Variants in ALK observed in about 807,000 individuals in gnomAD.
ALK encodes the protein ALK tyrosine kinase receptor.
Under a neutral mutation model 163.1 loss-of-function variants are expected in ALK, and 74 were observed. The ratio of observed to expected loss-of-function variants is 0.45; its 90% CI spans 0.38 to 0.55. The LOEUF is 0.55. ALK is among the 20% of genes least tolerant of loss of function. ALK has a pLI of 0.00. For synonymous variants in ALK, 960 were observed against 843.2 expected (o/e 1.14, Z -2.40); for missense variants, 2,063 against 2,105.3 (o/e 0.98, Z 0.39).
intron 3 of ALK, among the ~76,000 whole-genome samples, chr2:29,585,559 C>T (rs756875811): frequency 1.3e-5 from 2 of 152,156 alleles, no homozygotes; most frequent in Non-Finnish European, 2.9e-5. Flanking sequence ...AACTCCTGAC[C>T]TCAGGTGATC....
intron 1 of ALK, among the ~76,000 whole-genome samples, chr2:29,810,700 CT>C (rs1464752537): frequency 6.6e-6 from 1 of 152,082 alleles, no homozygotes; most frequent in Non-Finnish European, 1.5e-5. Context: ...ACCACAGGGC[CT>C]TTTCTGGCTG....
intron 1 of ALK, among the ~76,000 whole-genome samples, chr2:29,782,938 T>C (rs1253245522): frequency 6.6e-6 from 1 of 152,182 alleles, no homozygotes. Context: ...GGATGTCCTG[T>C]TGTGTGAGCC....
At chr2:29,494,219 T>A (rs949695645) in intron 4 of ALK, among the ~76,000 whole-genome samples, 10 of 152,342 alleles carry the variant, frequency 6.6e-5, no homozygotes, top group Admixed American at 5.2e-4. Flanking sequence ...GGCAGTTTTG[T>A]TTCTATTAAG....
intron 4 of ALK, among the ~76,000 whole-genome samples, chr2:29,432,370 G>A (rs975480318): frequency 1.3e-5 from 2 of 152,014 alleles, no homozygotes; most frequent in African/African-American, 2.4e-5. Flanking sequence ...CATGTGATAC[G>A]CAGGCTCCCC....
intron 3 of ALK, among the ~76,000 whole-genome samples, chr2:29,547,838 G>A (rs185143089): frequency 6.6e-5 from 10 of 152,320 alleles, no homozygotes; most frequent in Non-Finnish European, 1.0e-4. Flanking sequence ...AATTATGCTC[G>A]TATGGTTGCC....
chr2:29,839,103 G>C (rs921363463), intron 1 of ALK, among the ~76,000 whole-genome samples: 3 of 151,952 alleles, frequency 2.0e-5, no homozygotes, highest in Non-Finnish European at 2.9e-5. Context: ...GAAGTTCTAG[G>C]CCTGGTAGTC....
intron 3 of ALK, among the ~76,000 whole-genome samples, chr2:29,602,611 G>A (rs909689220): frequency 4.6e-5 from 7 of 152,266 alleles, no homozygotes; most frequent in Admixed American, 3.3e-4. Flanking sequence ...GACACAGAGG[G>A]TCCTGTTTGC....
chr2:29,335,476 A>G lies in ALK; in HGVS notation c.1283-6995T>C, dbSNP rs1008532866. ...GTGAGAGCCTACACAATGCACAGAG[A>G]AATGATTTTTAGACAACAAAGAACT... On this transcript the variant is annotated intron_variant, in intron 5 of 28. Transcript: ENST00000389048. 3.3e-5 allele frequency among the ~76,000 whole-genome samples: 5 copies of G among 152,186 alleles called. No individual in the cohort carries two copies. In the East Asian group the frequency reaches 7.7e-4, roughly 23 times the overall value.
chr2:29,264,046 C>G (rs754035983), intron 11 of ALK, among the ~76,000 whole-genome samples: 1 of 152,194 alleles, frequency 6.6e-6, no homozygotes, highest in Non-Finnish European at 1.5e-5. Flanking sequence ...GGATTGGAAC[C>G]AACTTTTTCG....
chr2:29,591,070 CAAAAAAAAAA>C (rs35070273), intron 3 of ALK, among the ~76,000 whole-genome samples: 610 of 46,958 alleles, frequency 0.013, 4 homozygotes, highest in African/African-American at 0.05. Context: ...GACTCCGTCT[CAAAAAAAAAA>C]AAAAAAAAAA....
intron 1 of ALK, among the ~76,000 whole-genome samples, chr2:29,859,618 T>G (rs772643923): frequency 8.6e-5 from 13 of 151,798 alleles, no homozygotes; most frequent in Non-Finnish European, 5.9e-5. Flanking sequence ...GGGGGTCGCT[T>G]GTGAAAAAAA....
chr2:29,628,372 T>C (rs1339624253), intron 3 of ALK, among the ~76,000 whole-genome samples: 4 of 152,220 alleles, frequency 2.6e-5, no homozygotes, highest in Non-Finnish European at 1.5e-5. Flanking sequence ...AAACACGCTA[T>C]ATAGCTAATT....
At chr2:29,580,440 CAACCTTATAACCAA>C (rs1674652082) in intron 3 of ALK, among the ~76,000 whole-genome samples, 1 of 152,196 alleles carries the variant, frequency 6.6e-6, no homozygotes, top group Non-Finnish European at 1.5e-5. Flanking sequence ...GGCATCTGAG[CAACCTTATAACCAA>C]AGCGTAGGAT....
chr2:29,900,995 G>GAGCAAGCA (rs58490938), intron 1 of ALK, among the ~76,000 whole-genome samples: 4,101 of 148,684 alleles, frequency 0.028, 167 homozygotes, highest in African/African-American at 0.081. Flanking sequence ...GAGAGAGAGA[G>GAGCAAGCA]AGCAAGCAAG....
chr2:29,519,370 T>G (rs1007786675), intron 4 of ALK, among the ~76,000 whole-genome samples: 7 of 152,228 alleles, frequency 4.6e-5, no homozygotes, highest in Non-Finnish European at 8.8e-5. Context: ...ATTGAAATAT[T>G]TTTCAAGTTC....
intron 9 of ALK, among the ~76,000 whole-genome samples, chr2:29,285,948 A>G (rs534719387): frequency 1.3e-5 from 2 of 152,314 alleles, no homozygotes; most frequent in South Asian, 2.1e-4. Flanking sequence ...AAGATTTCTC[A>G]GGATTCTCTG....
At chr2:29,435,572 A>T (rs1670376783) in intron 4 of ALK, among the ~76,000 whole-genome samples, 1 of 152,112 alleles carries the variant, frequency 6.6e-6, no homozygotes, top group African/African-American at 2.4e-5. Context: ...TCCTGAAAAC[A>T]TAAAAATACA....
chr2:29,768,516 C>G (rs1406048645), intron 1 of ALK, among the ~76,000 whole-genome samples: 1 of 151,992 alleles, frequency 6.6e-6, no homozygotes, highest in African/African-American at 2.4e-5. Context: ...GAAAATAATA[C>G]ACTGATGGAA....
At chr2:29,365,852 A>T (rs1482194743) in intron 5 of ALK, among the ~76,000 whole-genome samples, 1 of 152,214 alleles carries the variant, frequency 6.6e-6, no homozygotes, top group African/African-American at 2.4e-5. Flanking sequence ...CAGCTGGACA[A>T]CTAGAGTCTG....
Sources: gnomAD v4.1 joint callset for allele counts (sites outside exome capture counted in the v4.1 genomes callset) on GRCh38, gnomAD v4.1.1 for gene constraint, MANE v1.5 for transcripts, NCBI Gene and HGNC (gene_info 2026-07-23, HGNC 2026-07-21) for gene names.